Variants in ITGA8 observed in about 807,000 individuals in gnomAD.
The protein encoded by ITGA8 is integrin subunit alpha 8, also known as integrin alpha-8.
A neutral mutation model predicts 142.3 loss-of-function variants in ITGA8; 91 were observed. The observed-to-expected ratio is 0.64, with a 90% confidence interval of 0.54 to 0.76. ITGA8 has a LOEUF of 0.76. Ranked by LOEUF, ITGA8 falls within the 30% of genes least tolerant of loss-of-function variation. The pLI is 0.00. For missense variants in ITGA8, 1,406 were observed against 1,327.7 expected (o/e 1.06, Z -0.92); for synonymous variants, 505 against 485.2 (o/e 1.04, Z -0.54).
chr10:15,580,547 T>G (rs549317532), intron 23 of ITGA8, among the ~76,000 whole-genome samples: 65 of 152,274 alleles, frequency 4.3e-4, no homozygotes, highest in African/African-American at 1.4e-3. Flanking sequence ...TTTTAGCAAG[T>G]CGAATCCCAG....
chr10:15,523,809 G>A (rs1833113772), intron 28 of ITGA8, among the ~76,000 whole-genome samples: 1 of 150,556 alleles, frequency 6.6e-6, no homozygotes, highest in Non-Finnish European at 1.5e-5. Context: ...GTGCATACCT[G>A]TAGTCTCGGC....
At chr10:15,687,789 C>A (rs1213350679) in intron 3 of ITGA8, 149 bp downstream of exon 3, 3 of 541,204 alleles carry the variant, frequency 5.5e-6, no homozygotes, top group Non-Finnish European at 1.0e-5. Flanking sequence ...TAATTTTAAG[C>A]ATTTAGTTGC....
At chr10:15,680,438 GATTT>G (rs1453473914) in intron 4 of ITGA8, among the ~76,000 whole-genome samples, 5 of 151,698 alleles carry the variant, frequency 3.3e-5, no homozygotes, top group Admixed American at 3.3e-4. Flanking sequence ...TATATTTCAT[GATTT>G]ATGGTCATGA....
At chr10:15,635,003 C>CTTTCT (rs1833747289) in intron 13 of ITGA8, among the ~76,000 whole-genome samples, 3 of 107,236 alleles carry the variant, frequency 2.8e-5, no homozygotes, top group African/African-American at 1.1e-4. Context: ...TTCTTTCTTT[C>CTTTCT]TTTTTTTTTT....
chr10:15,643,910 G>T (rs1304486092), intron 13 of ITGA8, 120 bp downstream of exon 13: 5 of 788,210 alleles, frequency 6.3e-6, no homozygotes, highest in Non-Finnish European at 7.8e-6. Context: ...AAAGCCTGTG[G>T]CATGCTTAAG....
chr10:15,629,277 C>T (rs1442755829), intron 13 of ITGA8, among the ~76,000 whole-genome samples: 2 of 152,016 alleles, frequency 1.3e-5, no homozygotes, highest in African/African-American at 4.8e-5. Context: ...CATATTTTGC[C>T]CACAAGGAAA....
intron 28 of ITGA8, among the ~76,000 whole-genome samples, chr10:15,529,281 C>G (rs1833245008): frequency 1.3e-5 from 2 of 152,186 alleles, no homozygotes; most frequent in Admixed American, 1.3e-4. Flanking sequence ...AGAGGCTACT[C>G]TCATTTATTG....
chr10:15,536,386 T>G (rs1413025756), intron 27 of ITGA8, among the ~76,000 whole-genome samples: 2 of 152,166 alleles, frequency 1.3e-5, no homozygotes, highest in Non-Finnish European at 2.9e-5. Context: ...AGAGTCAGCA[T>G]CAAAGATACC....
At chr10:15,676,120 T>A (rs956467320) in intron 6 of ITGA8, among the ~76,000 whole-genome samples, 2 of 152,164 alleles carry the variant, frequency 1.3e-5, no homozygotes, top group Non-Finnish European at 2.9e-5. Flanking sequence ...CTCTCTTAAC[T>A]CCGGTCACCT....
At chr10:15,617,601 G>C (rs1187162830) in intron 13 of ITGA8, among the ~76,000 whole-genome samples, 1 of 152,000 alleles carries the variant, frequency 6.6e-6, no homozygotes, top group Non-Finnish European at 1.5e-5. Flanking sequence ...GGGTTTCACT[G>C]TGTTAACCAG....
chr10:15,628,477 C>T (rs941999255), intron 13 of ITGA8, among the ~76,000 whole-genome samples: 9 of 151,410 alleles, frequency 5.9e-5, no homozygotes, highest in Non-Finnish European at 8.8e-5. Flanking sequence ...GGACTACAGG[C>T]GCCCACCACC....
At chr10:15,572,116 G>T in intron 25 of ITGA8, 95 bp downstream of exon 25, 2 of 1,085,758 alleles carry the variant, frequency 1.8e-6, no homozygotes. Context: ...AACTTAAAAC[G>T]ATTTCACTCT....
intron 2 of ITGA8, among the ~76,000 whole-genome samples, chr10:15,715,246 C>T (rs781165996): frequency 6.6e-6 from 1 of 152,062 alleles, no homozygotes; most frequent in Non-Finnish European, 1.5e-5. Context: ...ACAAACCCTG[C>T]TTCTACAATG....
intron 23 of ITGA8, among the ~76,000 whole-genome samples, chr10:15,577,486 C>G (rs1402497271): frequency 6.6e-6 from 1 of 152,060 alleles, no homozygotes; most frequent in African/African-American, 2.4e-5. Context: ...GTGAAGACGA[C>G]TTAAACTTCC....
chr10:15,668,502 G>GCA (rs922486906), intron 8 of ITGA8, among the ~76,000 whole-genome samples: 3 of 151,146 alleles, frequency 2.0e-5, no homozygotes, highest in African/African-American at 7.3e-5. Context: ...TTTAATTGGA[G>GCA]CATTTAGCCC....
chr10:15,714,665 T>C (rs908564537), intron 2 of ITGA8, among the ~76,000 whole-genome samples: 1 of 152,042 alleles, frequency 6.6e-6, no homozygotes. Flanking sequence ...TCAAGTTATA[T>C]GATAAGGTAA....
In ITGA8 at chr10:15,514,037, A is replaced by T. The variant is rs1277108393; in HGVS notation, c.*3121T>A. 6.6e-6 allele frequency: 1 copy of T among 152,240 alleles called. No homozygotes were observed. The highest frequency in any genetic ancestry group is 2.4e-5 in the African/African-American group (1 of 41,462). 9.4% of individuals were successfully genotyped at this position (152,240 alleles called of 1,614,324 possible). A position where few individuals can be genotyped will look rare whatever the true frequency, so the allele number is the denominator to read the frequency against. ...ATATCTACGCACGTATTTAAATAAAACAAGAGTCGAGTTCTAAGAATGCAG... is the reference window on the plus strand; with the variant it reads ...ATATCTACGCACGTATTTAAATAAATCAAGAGTCGAGTTCTAAGAATGCAG... On this transcript the variant is annotated 3_prime_UTR_variant, in exon 30 of 30. Coordinates refer to ENST00000378076, the MANE Select transcript of ITGA8 (RefSeq NM_003638.3).
At chr10:15,565,572 G>GTTTTT (rs1834062355) in intron 25 of ITGA8, among the ~76,000 whole-genome samples, 4 of 55,474 alleles carry the variant, frequency 7.2e-5, no homozygotes, top group South Asian at 6.9e-4. Context: ...TTCATGTCCT[G>GTTTTT]ATTTTTTTTT....
chr10:15,693,898 A>T (rs1458922281), intron 2 of ITGA8, among the ~76,000 whole-genome samples: 1 of 151,816 alleles, frequency 6.6e-6, no homozygotes, highest in African/African-American at 2.4e-5. Context: ...TCTCTTAATG[A>T]CAGATAGCTT....
Sources: allele counts gnomAD v4.1 joint callset (sites outside exome capture counted in the v4.1 genomes callset), GRCh38; gene constraint gnomAD v4.1.1; transcripts MANE v1.5; gene names NCBI Gene and HGNC (gene_info 2026-07-23, HGNC 2026-07-21).